Variants in ST18 observed in about 807,000 individuals in gnomAD.
The protein encoded by ST18 is ST18 C2H2C-type zinc finger transcription factor.
A neutral mutation model predicts 110.0 loss-of-function variants in ST18; 50 were observed. The observed-to-expected ratio is 0.45, with a 90% confidence interval of 0.36 to 0.58. The LOEUF (loss-of-function observed/expected upper bound fraction) is 0.58, where lower values mean the gene tolerates loss of function less well. Ranked by LOEUF, ST18 falls within the 20% of genes least tolerant of loss-of-function variation. The pLI, the probability that ST18 is intolerant of heterozygous loss-of-function variation, is 0.00. For synonymous variants in ST18, 461 were observed against 452.4 expected, an observed-to-expected ratio of 1.02 and a Z score of -0.24; for missense variants, 1,306 against 1,280.1, an observed-to-expected ratio of 1.02 and a Z score of -0.31.
At chr8:52,196,397 A>C (rs560973417) in intron 8 of ST18, among the ~76,000 whole-genome samples, 26 of 152,174 alleles carry the variant, frequency 1.7e-4, no homozygotes, top group Non-Finnish European at 3.1e-4. Flanking sequence ...TCACCCCACC[A>C]CGTAATTCAC....
At chr8:52,379,100 TTC>T (rs1491089008) in intron 2 of ST18, among the ~76,000 whole-genome samples, 2 of 30,974 alleles carry the variant, frequency 6.5e-5, no homozygotes, top group Non-Finnish European at 1.1e-4. Context: ...TTTCTTTTCT[TTC>T]TTTTTTTTTT....
intron 2 of ST18, among the ~76,000 whole-genome samples, chr8:52,283,985 G>T (rs2095428926): frequency 2.0e-5 from 3 of 152,218 alleles, no homozygotes; most frequent in Admixed American, 1.3e-4. Context: ...AATTGGGGTT[G>T]ATTTTAAAAT....
chr8:52,338,860 C>T (rs2140168168), intron 2 of ST18, among the ~76,000 whole-genome samples: 1 of 152,200 alleles, frequency 6.6e-6, no homozygotes, highest in East Asian at 1.9e-4. Flanking sequence ...ACCTCAGTCT[C>T]CTGAATAGCT....
In ST18 at chr8:52,113,144, C is replaced by A; in HGVS notation, c.*54G>T. The A allele has an allele frequency of 6.2e-7, 1 of 1,603,794 alleles. No homozygotes were observed. The highest frequency in any genetic ancestry group is 1.1e-5 in the South Asian group (1 of 89,374). On this transcript the variant is annotated 3_prime_UTR_variant, in exon 26 of 26. Transcript: ENST00000689386. ...AGCAGTACATGAACCTCTAACAGAT[C>A]CATCTGGAGTTTACTGCTGTTGGTA...
intron 2 of ST18, among the ~76,000 whole-genome samples, chr8:52,351,837 T>TA (rs1012679305): frequency 3.3e-5 from 5 of 152,192 alleles, no homozygotes; most frequent in African/African-American, 1.2e-4. Context: ...AACAATCAGT[T>TA]AAAACTCTAG....
intron 2 of ST18, among the ~76,000 whole-genome samples, chr8:52,347,560 G>A (rs535812364): frequency 2.7e-4 from 41 of 152,246 alleles, no homozygotes; most frequent in African/African-American, 9.4e-4. Flanking sequence ...GAATAAAGGT[G>A]ATTTTTCCTC....
intron 6 of ST18, among the ~76,000 whole-genome samples, chr8:52,215,530 CTT>C (rs2083844444): frequency 1.3e-5 from 2 of 152,190 alleles, no homozygotes; most frequent in South Asian, 2.1e-4. Flanking sequence ...CACCAGAACT[CTT>C]TTGTCATCAT....
chr8:52,270,805 G>A (rs1007324912), intron 2 of ST18, among the ~76,000 whole-genome samples: 10 of 152,280 alleles, frequency 6.6e-5, no homozygotes, highest in African/African-American at 2.2e-4. Context: ...TAGTGGTGAA[G>A]TGTACACAAC....
intron 2 of ST18, among the ~76,000 whole-genome samples, chr8:52,331,043 G>C (rs1809101509): frequency 6.6e-6 from 1 of 152,122 alleles, no homozygotes; most frequent in Non-Finnish European, 1.5e-5. Flanking sequence ...GCTGCTCCTA[G>C]AGAACAGTTT....
At chr8:52,126,169 T>A (rs1234536746) in intron 22 of ST18, 29 bp from the exon 23 acceptor site, 1 of 1,585,842 alleles carries the variant, frequency 6.3e-7, no homozygotes, top group Non-Finnish European at 8.6e-7. Context: ...TACTAATGTA[T>A]GAAATGTATA....
At chr8:52,139,417 G>C (rs866787120) in intron 17 of ST18, among the ~76,000 whole-genome samples, 1 of 151,966 alleles carries the variant, frequency 6.6e-6, no homozygotes, top group African/African-American at 2.4e-5. Flanking sequence ...GTACAGTGGC[G>C]CAATCTCGGC....
chr8:52,351,468 A>G (rs747321522), intron 2 of ST18, among the ~76,000 whole-genome samples: 4 of 152,198 alleles, frequency 2.6e-5, no homozygotes, highest in Non-Finnish European at 5.9e-5. Context: ...TTTTCACACA[A>G]TGGTTCCTTC....
intron 2 of ST18, among the ~76,000 whole-genome samples, chr8:52,243,541 A>G (rs1233735856): frequency 6.6e-6 from 1 of 152,136 alleles, no homozygotes; most frequent in African/African-American, 2.4e-5. Flanking sequence ...TTTGGGCTCA[A>G]TCTGGGTTCA....
chr8:52,296,040 A>T (rs1589696901), intron 2 of ST18, among the ~76,000 whole-genome samples: 2 of 151,592 alleles, frequency 1.3e-5, no homozygotes, highest in South Asian at 4.2e-4. Flanking sequence ...ACTTAACACA[A>T]CCCCTGCCTG....
At chr8:52,389,140 T>A (rs1221717539) in intron 2 of ST18, among the ~76,000 whole-genome samples, 1 of 152,088 alleles carries the variant, frequency 6.6e-6, no homozygotes, top group Non-Finnish European at 1.5e-5. Context: ...TGCCCGGGGC[T>A]TGGCTGTGGG....
chr8:52,178,166 T>C (rs754108709), intron 9 of ST18, among the ~76,000 whole-genome samples: 3 of 152,140 alleles, frequency 2.0e-5, no homozygotes, highest in Non-Finnish European at 2.9e-5. Flanking sequence ...CCAGATATAG[T>C]CTGTCTTCAC....
At chr8:52,153,741 T>G (rs1394338194) in intron 15 of ST18, among the ~76,000 whole-genome samples, 1 of 152,226 alleles carries the variant, frequency 6.6e-6, no homozygotes, top group Non-Finnish European at 1.5e-5. Context: ...AGAAGAGAAG[T>G]TAGACAGGCA....
chr8:52,184,762 G>A (rs1275386603), intron 8 of ST18, among the ~76,000 whole-genome samples: 1 of 152,094 alleles, frequency 6.6e-6, no homozygotes, highest in Non-Finnish European at 1.5e-5. Context: ...GATACATTCT[G>A]GGCACACATC....
At chr8:52,297,517 C>T (rs1390970365) in intron 2 of ST18, among the ~76,000 whole-genome samples, 1 of 151,774 alleles carries the variant, frequency 6.6e-6, no homozygotes, top group African/African-American at 2.4e-5. Flanking sequence ...TTAAAGCCAG[C>T]CTAGAAAAAA....
Sources: allele counts gnomAD v4.1 joint callset (sites outside exome capture counted in the v4.1 genomes callset), GRCh38; gene constraint gnomAD v4.1.1; transcripts MANE v1.5; gene names NCBI Gene and HGNC (gene_info 2026-07-23, HGNC 2026-07-21).